The following TIGD7 variants were observed in gnomAD, a reference collection of about 807,000 sequenced individuals.
TIGD7 encodes the protein tigger transposable element derived 7, also known as tigger transposable element-derived protein 7.
TIGD7 carries 26 observed loss-of-function variants against 24.8 expected under a neutral mutation model. The ratio of observed to expected loss-of-function variants is 1.05; its 90% CI spans 0.77 to 1.45. The LOEUF (loss-of-function observed/expected upper bound fraction) is 1.45. TIGD7 is among the 40% of genes most tolerant of loss of function. TIGD7 has a pLI of 0.00. For synonymous variants in TIGD7, 221 were observed against 224.1 expected (o/e 0.99, Z 0.12); for missense variants, 679 against 641.6 (o/e 1.06, Z -0.63).
rs923842010 is a variant in TIGD7 at position 3,300,347 on chromosome 16, G to A, written c.268C>T (p.Gln90Ter). The change falls in exon 2 of 2, where the codon CAG (glutamine) becomes TAG (stop). Residue 90 changes from glutamine to a stop codon, truncating the protein, a stop_gained. Transcript: ENST00000396862. LOFTEE classifies it high-confidence loss of function. ...VDDAVYMWYQQKRSAGVPVRG... is the reference protein window; with the variant it reads ...VDDAVYMWYQ ...ACCGGAACACCGGCTGAGCGTTTCTGTTGGTACCACATGTAGACCGCATCA... is the reference window on the plus strand; with the variant it reads ...ACCGGAACACCGGCTGAGCGTTTCTATTGGTACCACATGTAGACCGCATCA... 2 of 1,614,106 alleles carry A rather than the reference G, an allele frequency of 1.2e-6. No homozygotes were observed. Among genetic ancestry groups the A allele is most frequent in the Admixed American group, 1.7e-5 (1 of 60,000 alleles).
At position 3,305,409 on chromosome 16, in the gene TIGD7, G is replaced by A. The variant is rs1238673626; in HGVS notation, c.-1593C>T. 1 of 152,388 alleles carries A rather than the reference G, an allele frequency of 6.6e-6. No individual in the cohort carries two copies. Among genetic ancestry groups the A allele is most frequent in the Non-Finnish European group, 1.5e-5 (1 of 68,148 alleles). 9.4% of individuals were successfully genotyped at this position (152,388 alleles called of 1,614,324 possible). ...CGCCGGGGAAGACAGCAGTTTCTCT[G>A]GCGAGGAAGTAGGCCGGGCTCAGGC... On this transcript the variant is annotated 5_prime_UTR_variant, in exon 1 of 2. Transcript: ENST00000396862.
chr16:3,299,234 C>A lies in TIGD7; in HGVS notation c.1381G>T (p.Val461Phe). ...TCAGCTTCTCCTCCTTTTTGAACAACTTCCTTTGTTATTCCACCTTTGGTT... is the reference window on the plus strand; with the variant it reads ...TCAGCTTCTCCTCCTTTTTGAACAAATTCCTTTGTTATTCCACCTTTGGTT... ...LKTKGGITKE[V>F]VQKGGEAEKQ... Residue 461 changes from valine to phenylalanine, a missense_variant, in exon 2 of 2, where the codon GTT becomes TTT. By Grantham distance (50) the Val-to-Phe change is conservative. Transcript: ENST00000396862. The A allele has an allele frequency of 6.2e-7, 1 of 1,610,622 alleles. No homozygotes were observed. Among genetic ancestry groups the A allele is most frequent in the Non-Finnish European group, 8.5e-7 (1 of 1,178,950 alleles).
chr16:3,301,382 T>C lies in TIGD7; in HGVS notation c.-768A>G, dbSNP rs780586759. On this transcript the variant is annotated 5_prime_UTR_variant, in exon 2 of 2. Transcript: ENST00000396862. ...AATCCAACTTTTATTGCATTCAATATAGTATTGTCAAGCACCGTGCTTTAA... is the reference window on the plus strand; with the variant it reads ...AATCCAACTTTTATTGCATTCAATACAGTATTGTCAAGCACCGTGCTTTAA... 30 of 167,136 alleles carry C rather than the reference T, an allele frequency of 1.8e-4. No homozygotes were observed. The highest frequency in any genetic ancestry group is 3.4e-4 in the Non-Finnish European group (23 of 68,136). The allele number at this position is 167,136 out of a possible 1,614,324, so 10.4% of individuals were successfully genotyped here. A position where few individuals can be genotyped will look rare whatever the true frequency, so the allele number is the denominator to read the frequency against.
Position 3,300,161 on chromosome 16 carries a change from T to A in TIGD7, c.454A>T (p.Asn152Tyr), listed in dbSNP as rs756594290. 163 of 1,614,112 alleles carry A rather than the reference T, an allele frequency of 1.0e-4. No individual in the cohort carries two copies. The highest frequency in any genetic ancestry group is 1.4e-4 in the Non-Finnish European group (161 of 1,180,058). Residue 152 changes from asparagine to tyrosine, a missense_variant, in exon 2 of 2, where the codon AAT becomes TAT. By Grantham distance (143) the Asn-to-Tyr change is moderately radical. Coordinates refer to ENST00000396862, the MANE Select transcript of TIGD7 (RefSeq NM_033208.4). ...AGTTTTTGTCGAAATGGCTCAACAT[T>A]TTCAGAAACTGAACTTAGGACTTGT... Reference protein sequence around the residue: ...GEQVLSSVSENVEPFRQKLSM... With the variant: ...GEQVLSSVSEYVEPFRQKLSM...
intron 1 of TIGD7, chr16:3,304,893 C>A (rs1160258626): frequency 6.6e-6 from 1 of 152,228 alleles, no homozygotes; most frequent in Non-Finnish European, 1.5e-5. Context: ...TAGCGGCCGC[C>A]ACTGCTGAGC....
intron 1 of TIGD7, chr16:3,304,999 G>GA (rs1196196090): frequency 6.6e-6 from 1 of 152,236 alleles, no homozygotes; most frequent in Non-Finnish European, 1.5e-5. Flanking sequence ...CCTACCTCAA[G>GA]AAAAAATAGT....
chr16:3,303,130 G>A (rs192778934), intron 1 of TIGD7, among the ~76,000 whole-genome samples: 161 of 152,250 alleles, frequency 1.1e-3, no homozygotes, highest in African/African-American at 2.9e-3. Context: ...AAGCCACTGC[G>A]CCCAGCCACA....
Position 3,299,785 on chromosome 16 carries a change from A to C in TIGD7, c.830T>G (p.Phe277Cys), listed in dbSNP as rs763041213. 6.4e-7 allele frequency: 1 copy of C among 1,570,740 alleles called. No individual in the cohort carries two copies. Among genetic ancestry groups the C allele is most frequent in the East Asian group, 2.2e-5 (1 of 44,656 alleles). Reference sequence around the variant, plus strand: ...ATGAAATCTTAGAACATTAAGTTGAAAATGTCGGACCTCAGGAACAAAGTT... The same window carrying C: ...ATGAAATCTTAGAACATTAAGTTGACAATGTCGGACCTCAGGAACAAAGTT... ...FQNFVPEVRH[F>C]QLNVLRFHDE... is the part of the protein sequence containing the mutation. Residue 277 changes from phenylalanine to cysteine, a missense_variant, in exon 2 of 2, where the codon TTT becomes TGT. Physicochemically the swap from Phe to Cys is radical, Grantham distance 205 (BLOSUM62 -2). Coordinates refer to ENST00000396862, the MANE Select transcript of TIGD7 (RefSeq NM_033208.4).
At chr16:3,303,379 A>T (rs1182749960) in intron 1 of TIGD7, among the ~76,000 whole-genome samples, 3 of 152,208 alleles carry the variant, frequency 2.0e-5, no homozygotes, top group Non-Finnish European at 4.4e-5. Context: ...AATGATATCC[A>T]AGGGCACTGC....
In TIGD7 at chr16:3,299,204, G is replaced by C. The variant is rs1312057471; in HGVS notation, c.1411C>G (p.Gln471Glu). 4 of 1,603,110 alleles carry C rather than the reference G, an allele frequency of 2.5e-6. No homozygotes were observed. The African/African-American group carries it at 4.0e-5, about 16-fold the overall frequency. ...VVQKGGEAEK[Q>E]TAEFKLSAVR... ...GCAGATAATTTAAATTCAGCAGTCT[G>C]CTTCTCAGCTTCTCCTCCTTTTTGA... The change falls in exon 2 of 2, where the codon CAG (glutamine) becomes GAG (glutamate). Residue 471 changes from glutamine to glutamate, a missense_variant. Gln to Glu is a conservative substitution (Grantham distance 29, BLOSUM62 2). Coordinates refer to ENST00000396862, the MANE Select transcript of TIGD7 (RefSeq NM_033208.4).
At position 3,300,256 on chromosome 16, in the gene TIGD7, T is replaced by C. The variant is rs1212067459; in HGVS notation, c.359A>G (p.Lys120Arg). ...FARCFGRTDF[K>R]ASTGWLFRFR... Reference sequence around the variant, plus strand: ...TCTAAAAAGCCAACCAGTGCTAGCTTTGAAATCTGTTCGCCCAAAACACCG... The same window carrying C: ...TCTAAAAAGCCAACCAGTGCTAGCTCTGAAATCTGTTCGCCCAAAACACCG... Residue 120 changes from lysine to arginine, a missense_variant, in exon 2 of 2, where the codon AAA becomes AGA. Transcript: ENST00000396862. The C allele has an allele frequency of 6.2e-7, 1 of 1,614,222 alleles. No individual in the cohort carries two copies. Among genetic ancestry groups the C allele is most frequent in the Admixed American group, 1.7e-5 (1 of 60,020 alleles).
At chr16:3,304,613 G>A (rs1321067894) in intron 1 of TIGD7, among the ~76,000 whole-genome samples, 1 of 152,140 alleles carries the variant, frequency 6.6e-6, no homozygotes, top group Non-Finnish European at 1.5e-5. Context: ...TGGTAATTCC[G>A]AAACCACTCA....
Position 3,300,390 on chromosome 16 carries a change from G to A in TIGD7, c.225C>T (p.Ala75=). The change falls in exon 2 of 2, where the codon GCC becomes GCT. Residue 75 remains alanine (A), a synonymous_variant. Coordinates refer to ENST00000396862, the MANE Select transcript of TIGD7 (RefSeq NM_033208.4). ...GAEKRKRTTG[A]KYGDVDDAVY... ...CCGCATCATCTACATCACCATATTTGGCTCCCGTTGTCCTCTTTCTCTTCT... is the reference window on the plus strand; with the variant it reads ...CCGCATCATCTACATCACCATATTTAGCTCCCGTTGTCCTCTTTCTCTTCT... 1.2e-6 allele frequency: 2 copies of A among 1,614,122 alleles called. No homozygotes were observed. Among genetic ancestry groups the A allele is most frequent in the Non-Finnish European group, 8.5e-7 (1 of 1,180,034 alleles).
At position 3,299,845 on chromosome 16, in the gene TIGD7, A is replaced by G; in HGVS notation, c.770T>C (p.Phe257Ser). 1 of 1,592,038 alleles carries G rather than the reference A, an allele frequency of 6.3e-7. No homozygotes were observed. The highest frequency in any genetic ancestry group is 8.5e-7 in the Non-Finnish European group (1 of 1,171,188). ...CCATTCTGAAAACAATTCTCTGGTGAACCAAACATCTTTACTGGGTTTATA... is the reference window on the plus strand; with the variant it reads ...CCATTCTGAAAACAATTCTCTGGTGGACCAAACATCTTTACTGGGTTTATA... ...VIYKPSKDVW[F>S]TRELFSEWFF... The change falls in exon 2 of 2, where the codon TTC (phenylalanine) becomes TCC (serine). Residue 257 changes from phenylalanine (F) to serine (S), a missense_variant. Phe to Ser is a radical substitution (Grantham distance 155, BLOSUM62 -2). Transcript: ENST00000396862.
In TIGD7 at chr16:3,300,436, T is replaced by C. The variant is rs746437042; in HGVS notation, c.179A>G (p.Asp60Gly). 3.1e-6 allele frequency: 5 copies of C among 1,614,248 alleles called. No homozygotes were observed. The highest frequency in any genetic ancestry group is 4.5e-5 in the East Asian group (2 of 44,886). Residue 60 changes from aspartate to glycine, a missense_variant, in exon 2 of 2, where the codon GAC (aspartate) becomes GGC (glycine). Asp to Gly is a moderately conservative substitution (Grantham distance 94). Coordinates refer to ENST00000396862, the MANE Select transcript of TIGD7 (RefSeq NM_033208.4). Reference protein sequence around the residue: ...KLILDFVLKQDMPLVGAEKRK... With the variant: ...KLILDFVLKQGMPLVGAEKRK... ...CTTCTCAGCCCCTACTAATGGCATG[T>C]CCTGCTTCAGTACAAAGTCCAGAAT...
intron 1 of TIGD7, among the ~76,000 whole-genome samples, chr16:3,302,832 T>C (rs36025215): frequency 1.3e-5 from 2 of 148,286 alleles, no homozygotes; most frequent in Non-Finnish European, 3.0e-5. Context: ...TGTGCCGTCG[T>C]CTTTTTTTTT....
At chr16:3,302,221 G>A (rs187936194) in intron 1 of TIGD7, among the ~76,000 whole-genome samples, 40 of 152,030 alleles carry the variant, frequency 2.6e-4, no homozygotes, top group African/African-American at 9.2e-4. Context: ...TCTGCCTCCC[G>A]GGTTCAAGCA....
intron 1 of TIGD7, among the ~76,000 whole-genome samples, chr16:3,303,107 G>C (rs994917983): frequency 6.6e-6 from 1 of 152,146 alleles, no homozygotes; most frequent in African/African-American, 2.4e-5. Context: ...CAAAGTGCTG[G>C]GATTACAGGT....
At position 3,300,765 on chromosome 16, in the gene TIGD7, G is replaced by A; in HGVS notation, c.-151C>T. 8 of 1,335,864 alleles carry A rather than the reference G, an allele frequency of 6.0e-6. No homozygotes were observed. The South Asian group carries it at 8.2e-5, about 14-fold the overall frequency. The allele number at this position is 1,335,864 out of a possible 1,614,324, so 82.8% of individuals were successfully genotyped here. On this transcript the variant is annotated 5_prime_UTR_variant, in exon 2 of 2. Transcript: ENST00000396862. ...TATTGGAGGATAATGGACTGAAGGG[G>A]CTAACCATGACTGAAGAGCTAGTCT...
Sources: allele counts gnomAD v4.1 joint callset (sites outside exome capture counted in the v4.1 genomes callset), GRCh38; gene constraint gnomAD v4.1.1; transcripts MANE v1.5; gene names NCBI Gene and HGNC (gene_info 2026-07-23, HGNC 2026-07-21).